NEDD4: variants seen among roughly 807,000 people sequenced by gnomAD.
The protein encoded by NEDD4 is NEDD4 E3 ubiquitin protein ligase.
NEDD4 carries 99 observed loss-of-function variants against 144.9 expected under a neutral mutation model. The ratio of observed to expected loss-of-function variants is 0.68; its 90% CI spans 0.58 to 0.81. NEDD4 has a LOEUF of 0.81. Ranked by LOEUF, NEDD4 falls within the 30% of genes least tolerant of loss-of-function variation. The probability of loss-of-function intolerance (pLI) is 0.00; values close to 1 mark genes in which losing one functional copy is unlikely to be tolerated. For synonymous variants in NEDD4, 318 were observed against 350.6 expected (o/e 0.91, Z 1.04); for missense variants, 985 against 1,065.9 (o/e 0.92, Z 1.06).
chr15:55,913,524 A>G lies in NEDD4; in HGVS notation c.291+11122T>C, dbSNP rs527876678. ...ATGCTTTTATAAAGAGAAGTCTAAT[A>G]AACATTAAACGGGGGGACAATTTAA... On this transcript the variant is annotated intron_variant, in intron 5 of 28. Transcript: ENST00000435532. Among the ~76,000 whole-genome samples the G allele has an allele frequency of 7.9e-5, 12 of 152,192 alleles. 1 individual carries two copies. The highest frequency in any genetic ancestry group is 4.6e-4 in the Admixed American group (7 of 15,284).
chr15:55,946,877 A>G (rs1167585647), intron 4 of NEDD4, among the ~76,000 whole-genome samples: 9 of 152,010 alleles, frequency 5.9e-5, no homozygotes, highest in Admixed American at 1.3e-4. Flanking sequence ...TCAACTACAT[A>G]GAAACTGAAC....
intron 2 of NEDD4, among the ~76,000 whole-genome samples, chr15:55,960,680 T>C (rs946472749): frequency 3.9e-5 from 6 of 152,232 alleles, no homozygotes; most frequent in Admixed American, 2.0e-4. Context: ...ATCTATCCTA[T>C]TAGTTCTGTC....
chr15:55,980,747 C>T (rs188756423), intron 1 of NEDD4, among the ~76,000 whole-genome samples: 2 of 151,960 alleles, frequency 1.3e-5, no homozygotes, highest in African/African-American at 4.8e-5. Flanking sequence ...TCAACAAGAA[C>T]AAGGAAAAGG....
intron 4 of NEDD4, among the ~76,000 whole-genome samples, chr15:55,929,086 A>C (rs868797476): frequency 1.3e-5 from 2 of 152,174 alleles, no homozygotes; most frequent in Non-Finnish European, 2.9e-5. Flanking sequence ...CAGACAGATG[A>C]AGCAGGGATG....
At chr15:55,928,440 T>C (rs2036717693) in intron 4 of NEDD4, among the ~76,000 whole-genome samples, 1 of 152,250 alleles carries the variant, frequency 6.6e-6, no homozygotes, top group South Asian at 2.1e-4. Context: ...AGCCTGAGTA[T>C]GGAATGATCC....
At chr15:55,887,457 C>A (rs1318428945) in intron 5 of NEDD4, among the ~76,000 whole-genome samples, 2 of 152,118 alleles carry the variant, frequency 1.3e-5, no homozygotes, top group East Asian at 3.8e-4. Flanking sequence ...AAAACAGGAA[C>A]AGACCAATAA....
At chr15:55,837,692 A>G in intron 24 of NEDD4, 97 bp downstream of exon 24, 3 of 708,592 alleles carry the variant, frequency 4.2e-6, no homozygotes, top group Non-Finnish European at 7.1e-6. Context: ...AAAACAAGCC[A>G]TATACTTATT....
At chr15:55,986,454 G>C (rs2037892561) in intron 1 of NEDD4, among the ~76,000 whole-genome samples, 1 of 151,840 alleles carries the variant, frequency 6.6e-6, no homozygotes, top group African/African-American at 2.4e-5. Flanking sequence ...TGCATGCGAA[G>C]AACACAGCAT....
At position 55,874,003 on chromosome 15, in the gene NEDD4, T is replaced by C. The variant is rs1193481285; in HGVS notation, c.297A>G (p.Arg99=). The change falls in exon 6 of 29, where the codon AGA becomes AGG. Residue 99 remains arginine, a synonymous_variant. Transcript: ENST00000435532. ...FEVFDENRLT[R]DDFLGQVDVP... is the part of the protein sequence containing the mutation. Reference sequence around the variant, plus strand: ...CATCCACTTGACCTAGGAAATCATCTCTTGTCTATAAGAGAAGGAAGAAAA... The same window carrying C: ...CATCCACTTGACCTAGGAAATCATCCCTTGTCTATAAGAGAAGGAAGAAAA... 5 of 1,527,676 alleles carry C rather than the reference T, an allele frequency of 3.3e-6. No homozygotes were observed. The Admixed American group carries it at 5.8e-5, about 18-fold the overall frequency. The allele number at this position is 1,527,676 out of a possible 1,614,324, so 94.6% of individuals were successfully genotyped here. A position where few individuals can be genotyped will look rare whatever the true frequency, so the allele number is the denominator to read the frequency against.
chr15:55,908,681 T>C (rs772751341), intron 5 of NEDD4, among the ~76,000 whole-genome samples: 1 of 152,174 alleles, frequency 6.6e-6, no homozygotes, highest in Admixed American at 6.6e-5. Flanking sequence ...CACATGAGAA[T>C]TTAAAAATCA....
chr15:55,944,563 T>C (rs749161403), intron 4 of NEDD4, among the ~76,000 whole-genome samples: 3 of 152,212 alleles, frequency 2.0e-5, no homozygotes, highest in African/African-American at 4.8e-5. Flanking sequence ...GAGCAGGGCA[T>C]AGCTGAACAA....
intron 5 of NEDD4, among the ~76,000 whole-genome samples, chr15:55,886,549 G>A (rs970225264): frequency 6.6e-6 from 1 of 152,084 alleles, no homozygotes; most frequent in Non-Finnish European, 1.5e-5. Flanking sequence ...GGTGGATCAC[G>A]AGGTCAGAGA....
intron 5 of NEDD4, among the ~76,000 whole-genome samples, chr15:55,883,700 C>A (rs200334089): frequency 0.026 from 1,729 of 65,634 alleles, 15 homozygotes; most frequent in Non-Finnish European, 0.043. Flanking sequence ...CACACAAACA[C>A]ACACACACAC....
At position 55,830,664 on chromosome 15, in the gene NEDD4, A is replaced by G. The variant is rs1487159580; in HGVS notation, c.2528-78T>C. ...CATATCAAAACTTTTTCTAGTGTACACTAGTTCCTACACACACACAGGGAA... is the reference window on the plus strand; with the variant it reads ...CATATCAAAACTTTTTCTAGTGTACGCTAGTTCCTACACACACACAGGGAA... On this transcript the variant is annotated intron_variant, in intron 27 of 28. Coordinates refer to ENST00000435532, the MANE Select transcript of NEDD4 (RefSeq NM_006154.4). 4 of 1,054,918 alleles carry G rather than the reference A, an allele frequency of 3.8e-6. No homozygotes were observed. The African/African-American group carries it at 6.2e-5, about 16-fold the overall frequency. The allele number at this position is 1,054,918 out of a possible 1,614,324, so 65.3% of individuals were successfully genotyped here.
chr15:55,872,069 G>A lies in NEDD4; in HGVS notation c.404+346C>T, dbSNP rs546729454. On this transcript the variant is annotated intron_variant, in intron 7 of 28. Coordinates refer to ENST00000435532, the MANE Select transcript of NEDD4 (RefSeq NM_006154.4). ...TTTTTCTGAAATTGGCTTTGTGCAC[G>A]TCGAGTTAGGTAATGGTTTTAGATG... Among the ~76,000 whole-genome samples, 11 of 152,120 alleles carry A rather than the reference G, an allele frequency of 7.2e-5. No individual in the cohort carries two copies. The South Asian group carries it at 8.3e-4, about 11-fold the overall frequency.
At chr15:55,941,578 T>C (rs1000586330) in intron 4 of NEDD4, among the ~76,000 whole-genome samples, 4 of 151,834 alleles carry the variant, frequency 2.6e-5, no homozygotes, top group Non-Finnish European at 5.9e-5. Context: ...TTTTTTTTTT[T>C]TTTTGAGACA....
intron 24 of NEDD4, among the ~76,000 whole-genome samples, chr15:55,835,423 T>TTG (rs1261643598): frequency 1.5e-4 from 19 of 130,830 alleles, no homozygotes; most frequent in African/African-American, 5.1e-4. Context: ...CTGTTCTGTT[T>TTG]TTTTTTTTTT....
intron 5 of NEDD4, among the ~76,000 whole-genome samples, chr15:55,912,614 T>C (rs1337496896): frequency 6.6e-6 from 1 of 151,954 alleles, no homozygotes; most frequent in Non-Finnish European, 1.5e-5. Flanking sequence ...AAACAACAGA[T>C]GGGGGAAACA....
chr15:55,880,584 G>A (rs1269972323), intron 5 of NEDD4, among the ~76,000 whole-genome samples: 1 of 152,128 alleles, frequency 6.6e-6, no homozygotes, highest in African/African-American at 2.4e-5. Flanking sequence ...TATTTTCAGG[G>A]AGGTAATGGA....
Sources: gnomAD v4.1 joint callset for allele counts (sites outside exome capture counted in the v4.1 genomes callset) on GRCh38, gnomAD v4.1.1 for gene constraint, MANE v1.5 for transcripts, NCBI Gene and HGNC (gene_info 2026-07-23, HGNC 2026-07-21) for gene names.